MSRA: variants seen among roughly 807,000 people sequenced by gnomAD.
The protein encoded by MSRA is methionine sulfoxide reductase A.
A neutral mutation model predicts 31.3 loss-of-function variants in MSRA; 54 were observed. The ratio of observed to expected loss-of-function variants is 1.73; its 90% CI spans 1.39 to 2.17. MSRA has a LOEUF of 2.17. Among genes scored for constraint, MSRA ranks in the 30% most tolerant of loss-of-function variants. MSRA has a pLI of 0.00. For synonymous variants in MSRA, 169 were observed against 116.5 expected (o/e 1.45, Z -2.90); for missense variants, 507 against 300.9 (o/e 1.69, Z -5.07).
At chr8:10,149,109 C>G (rs1374343547) in intron 1 of MSRA, among the ~76,000 whole-genome samples, 1 of 144,700 alleles carries the variant, frequency 6.9e-6, no homozygotes, top group Non-Finnish European at 1.5e-5. Flanking sequence ...GCACATGCCA[C>G]CACACCTGGC....
intron 1 of MSRA, among the ~76,000 whole-genome samples, chr8:10,127,856 AT>A (rs1334328127): frequency 4.0e-5 from 6 of 150,278 alleles, no homozygotes; most frequent in South Asian, 2.1e-4. Flanking sequence ...AACTTCAAGT[AT>A]TTTTTTTTTC....
chr8:10,054,709 C>T (rs1802211339), intron 1 of MSRA, 51 bp downstream of exon 1: 2 of 1,428,750 alleles, frequency 1.4e-6, no homozygotes, highest in Non-Finnish European at 1.9e-6. Flanking sequence ...CGCATGCGCG[C>T]CTTTGCCCGG....
chr8:10,365,825 G>A (rs1805131299), intron 5 of MSRA, among the ~76,000 whole-genome samples: 1 of 152,220 alleles, frequency 6.6e-6, no homozygotes, highest in Non-Finnish European at 1.5e-5. Flanking sequence ...CCCTGGCCAA[G>A]GTCACATGCT....
intron 5 of MSRA, among the ~76,000 whole-genome samples, chr8:10,371,195 G>T (rs1033037691): frequency 6.6e-6 from 1 of 152,190 alleles, no homozygotes; most frequent in African/African-American, 2.4e-5. Context: ...ACAAGATCGA[G>T]AAGGATGTAA....
intron 5 of MSRA, among the ~76,000 whole-genome samples, chr8:10,327,288 T>C (rs1019910619): frequency 2.0e-5 from 3 of 152,220 alleles, no homozygotes; most frequent in African/African-American, 7.2e-5. Context: ...CTATCATCAG[T>C]ATATAGCTAC....
chr8:10,180,797 C>G (rs755449304), intron 1 of MSRA, among the ~76,000 whole-genome samples: 5 of 152,070 alleles, frequency 3.3e-5, no homozygotes, highest in African/African-American at 1.2e-4. Context: ...GTTGTTGCAC[C>G]GAAGAAATGT....
At chr8:10,170,087 A>C (rs112652010) in intron 1 of MSRA, among the ~76,000 whole-genome samples, 2 of 133,466 alleles carry the variant, frequency 1.5e-5, no homozygotes, top group African/African-American at 2.9e-5. Context: ...GGGTTTCACC[A>C]TGTTAGTCAG....
chr8:10,409,529 T>C (rs960476205), intron 5 of MSRA, among the ~76,000 whole-genome samples: 1 of 152,182 alleles, frequency 6.6e-6, no homozygotes, highest in African/African-American at 2.4e-5. Context: ...TCTCCTCTCC[T>C]TTGCTAAGCA....
chr8:10,228,681 G>C (rs1264936734), intron 2 of MSRA, among the ~76,000 whole-genome samples: 1 of 152,104 alleles, frequency 6.6e-6, no homozygotes, highest in Non-Finnish European at 1.5e-5. Flanking sequence ...TCCTTCATGG[G>C]AATCCAGAGT....
At chr8:10,216,042 A>T (rs1809958146) in intron 2 of MSRA, among the ~76,000 whole-genome samples, 3 of 152,234 alleles carry the variant, frequency 2.0e-5, no homozygotes, top group South Asian at 4.1e-4. Context: ...AAAGTTACTC[A>T]TTATTAAATT....
chr8:10,307,799 G>T (rs1801221525), intron 4 of MSRA, among the ~76,000 whole-genome samples: 1 of 152,174 alleles, frequency 6.6e-6, no homozygotes, highest in South Asian at 2.1e-4. Flanking sequence ...TGAGAGTGCT[G>T]GTTAACCCCA....
intron 4 of MSRA, among the ~76,000 whole-genome samples, chr8:10,314,861 A>T (rs1196901293): frequency 6.6e-6 from 1 of 152,240 alleles, no homozygotes; most frequent in Admixed American, 6.5e-5. Context: ...AAACTGTAGT[A>T]TAATTGCATT....
At chr8:10,302,560 C>G (rs1800904770) in intron 4 of MSRA, among the ~76,000 whole-genome samples, 1 of 152,190 alleles carries the variant, frequency 6.6e-6, no homozygotes, top group African/African-American at 2.4e-5. Flanking sequence ...TCTTCATATG[C>G]CTGTAGCAGC....
intron 1 of MSRA, among the ~76,000 whole-genome samples, chr8:10,169,721 A>C (rs1370423227): frequency 6.6e-6 from 1 of 152,222 alleles, no homozygotes; most frequent in African/African-American, 2.4e-5. Flanking sequence ...GTCTGATGCT[A>C]TTGTAAATGA....
At chr8:10,068,448 G>T (rs2128916704) in intron 1 of MSRA, among the ~76,000 whole-genome samples, 1 of 152,320 alleles carries the variant, frequency 6.6e-6, no homozygotes, top group South Asian at 2.1e-4. Flanking sequence ...GTATAGCTTT[G>T]CATTTAGCTA....
At chr8:10,332,220 G>A (rs77480704) in intron 5 of MSRA, among the ~76,000 whole-genome samples, 11,663 of 152,232 alleles carry the variant, frequency 0.077, 507 homozygotes, top group South Asian at 0.15. Flanking sequence ...TCTGAGTACC[G>A]AAAGACTGTT....
chr8:10,094,239 C>G (rs753630618), intron 1 of MSRA, among the ~76,000 whole-genome samples: 9 of 152,162 alleles, frequency 5.9e-5, no homozygotes, highest in Non-Finnish European at 1.2e-4. Flanking sequence ...TTGTCTTTCA[C>G]TGTTATATTA....
At chr8:10,376,434 C>A (rs748627350) in intron 5 of MSRA, among the ~76,000 whole-genome samples, 104 of 152,190 alleles carry the variant, frequency 6.8e-4, no homozygotes, top group Non-Finnish European at 1.3e-3. Context: ...GTCATGGGCT[C>A]TGCTGTGATA....
rs369770165 is a variant in MSRA, at chr8:10,399,409, T to C, written c.544-28739T>C. On this transcript the variant is annotated intron_variant, in intron 5 of 5. Coordinates refer to ENST00000317173, the MANE Select transcript of MSRA (RefSeq NM_012331.5). ...GATCAGGGGACAGATCCCTCCTGAA[T>C]GGCTTAGCGCCATCTCCTTGGTGAT... Among the ~76,000 whole-genome samples, 9 of 152,226 alleles carry C rather than the reference T, an allele frequency of 5.9e-5. No individual in the cohort carries two copies. The East Asian group carries it at 1.2e-3, about 20-fold the overall frequency.
Sources: allele counts gnomAD v4.1 joint callset (sites outside exome capture counted in the v4.1 genomes callset), GRCh38; gene constraint gnomAD v4.1.1; transcripts MANE v1.5; gene names NCBI Gene and HGNC (gene_info 2026-07-23, HGNC 2026-07-21).